Variants in EIF4EBP1 observed in about 807,000 individuals in gnomAD.
EIF4EBP1 encodes the protein eukaryotic translation initiation factor 4E binding protein 1.
A neutral mutation model predicts 9.2 loss-of-function variants in EIF4EBP1; 5 were observed. The observed-to-expected ratio is 0.54, with a 90% confidence interval of 0.28 to 1.14. The LOEUF (loss-of-function observed/expected upper bound fraction) is 1.14. EIF4EBP1 is among the 50% of genes most tolerant of loss of function. The probability of loss-of-function intolerance (pLI) is 0.09; values close to 1 mark genes in which losing one functional copy is unlikely to be tolerated. For missense variants in EIF4EBP1, 139 were observed against 169.6 expected (o/e 0.82, Z 1.00); for synonymous variants, 62 against 67.0 (o/e 0.93, Z 0.36).
chr8:38,046,207 C>A (rs574385199), intron 1 of EIF4EBP1, among the ~76,000 whole-genome samples: 4 of 152,154 alleles, frequency 2.6e-5, no homozygotes, highest in Admixed American at 2.6e-4. Context: ...CCGGCCTACA[C>A]CTGGCTAATT....
At position 38,060,132 on chromosome 8, in the gene EIF4EBP1, T is replaced by A. The variant is rs570138233; in HGVS notation, c.*197T>A. The A allele has an allele frequency of 4.9e-5, 31 of 634,958 alleles. No homozygotes were observed. The East Asian group carries it at 8.0e-4, about 16-fold the overall frequency. 39.3% of individuals were successfully genotyped at this position (634,958 alleles called of 1,614,324 possible). The stretch of plus-strand genomic sequence containing the variant: ...ACACCAGCAGATACCTCCTTGTGCC[T>A]CCACTGATGCAGGAGCTGCCACCCC... On this transcript the variant is annotated 3_prime_UTR_variant, in exon 3 of 3. Transcript: ENST00000338825.
intron 1 of EIF4EBP1, among the ~76,000 whole-genome samples, chr8:38,043,088 T>G (rs923214016): frequency 6.6e-6 from 1 of 152,074 alleles, no homozygotes; most frequent in African/African-American, 2.4e-5. Flanking sequence ...AAAAAGTTTT[T>G]GGGAGAGATG....
At chr8:38,043,074 C>T (rs1809404435) in intron 1 of EIF4EBP1, among the ~76,000 whole-genome samples, 2 of 151,988 alleles carry the variant, frequency 1.3e-5, no homozygotes, top group Non-Finnish European at 2.9e-5. Context: ...CTCACACACA[C>T]GAAAAAAAGT....
In EIF4EBP1 at chr8:38,060,086, C is replaced by A. The variant is rs1809653569; in HGVS notation, c.*151C>A. ...AGCCCTTTCTCCCTCACTCAGGGCA[C>A]CTGCCCCCTCCTCTTCGTGAACACC... On this transcript the variant is annotated 3_prime_UTR_variant, in exon 3 of 3. Transcript: ENST00000338825. 1 of 728,570 alleles carries A rather than the reference C, an allele frequency of 1.4e-6. No homozygotes were observed. 45.1% of individuals were successfully genotyped at this position (728,570 alleles called of 1,614,324 possible). A position where few individuals can be genotyped will look rare whatever the true frequency, so the allele number is the denominator to read the frequency against.
At chr8:38,054,656 C>T (rs1386244765) in intron 1 of EIF4EBP1, among the ~76,000 whole-genome samples, 1 of 152,160 alleles carries the variant, frequency 6.6e-6, no homozygotes, top group Non-Finnish European at 1.5e-5. Flanking sequence ...GATTGTACAA[C>T]CCCAAGCCTT....
chr8:38,057,407 G>A (rs1809613706), intron 2 of EIF4EBP1, 147 bp downstream of exon 2: 2 of 997,242 alleles, frequency 2.0e-6, no homozygotes, highest in East Asian at 2.8e-5. Context: ...CCCAGAGGGT[G>A]AGAGTAGGGG....
rs1809652175 is a variant in EIF4EBP1, at chr8:38,060,014, T to C, written c.*79T>C. 2.7e-5 allele frequency: 39 copies of C among 1,436,910 alleles called. No individual in the cohort carries two copies. The South Asian group carries it at 4.2e-4, about 16-fold the overall frequency. 89.0% of individuals were successfully genotyped at this position (1,436,910 alleles called of 1,614,324 possible). A position where few individuals can be genotyped will look rare whatever the true frequency, so the allele number is the denominator to read the frequency against. ...GAGGAGTCCCACCAGCCAGGCCTTA[T>C]GAAAGTGATCATACTGGGCAGGCGT... On this transcript the variant is annotated 3_prime_UTR_variant, in exon 3 of 3. Transcript: ENST00000338825.
At chr8:38,049,553 C>G (rs1192806459) in intron 1 of EIF4EBP1, among the ~76,000 whole-genome samples, 1 of 150,608 alleles carries the variant, frequency 6.6e-6, no homozygotes, top group African/African-American at 2.4e-5. Context: ...GTGATCTCAA[C>G]TCACTGCAAC....
intron 2 of EIF4EBP1, among the ~76,000 whole-genome samples, chr8:38,059,051 G>A (rs531351207): frequency 1.1e-4 from 17 of 152,226 alleles, no homozygotes; most frequent in Middle Eastern, 3.4e-3. Flanking sequence ...GTAACTGCAC[G>A]CCAGCCTGGC....
intron 1 of EIF4EBP1, among the ~76,000 whole-genome samples, chr8:38,031,492 C>T (rs1306658330): frequency 1.3e-5 from 2 of 152,214 alleles, no homozygotes; most frequent in African/African-American, 4.8e-5. Flanking sequence ...CGCACAGACG[C>T]TGATGAAACC....
At chr8:38,057,353 G>A (rs987394539) in intron 2 of EIF4EBP1, 93 bp downstream of exon 2, 32 of 1,410,256 alleles carry the variant, frequency 2.3e-5, no homozygotes, top group Non-Finnish European at 3.0e-5. Context: ...CAGGGAGGAG[G>A]AACAACAGGG....
intron 1 of EIF4EBP1, among the ~76,000 whole-genome samples, chr8:38,031,487 A>G (rs1293197164): frequency 6.6e-6 from 1 of 152,216 alleles, no homozygotes; most frequent in African/African-American, 2.4e-5. Context: ...CCCAGCGCAC[A>G]GACGCTGATG....
chr8:38,033,062 C>CTT (rs765781155), intron 1 of EIF4EBP1, among the ~76,000 whole-genome samples: 43 of 125,452 alleles, frequency 3.4e-4, no homozygotes, highest in East Asian at 4.4e-4. Context: ...TTCTTTCTTT[C>CTT]TTTTTTTTTT....
At chr8:38,038,617 C>G (rs1809335034) in intron 1 of EIF4EBP1, among the ~76,000 whole-genome samples, 1 of 151,944 alleles carries the variant, frequency 6.6e-6, no homozygotes, top group East Asian at 1.9e-4. Flanking sequence ...ATCCTCCCAC[C>G]TCAGTCTCTC....
intron 1 of EIF4EBP1, among the ~76,000 whole-genome samples, chr8:38,033,586 T>C (rs1809256201): frequency 6.6e-6 from 1 of 151,772 alleles, no homozygotes; most frequent in South Asian, 2.1e-4. Context: ...CTGCACCTGC[T>C]TACTTATAGG....
At chr8:38,054,367 C>G (rs1251330380) in intron 1 of EIF4EBP1, among the ~76,000 whole-genome samples, 1 of 152,138 alleles carries the variant, frequency 6.6e-6, no homozygotes, top group Non-Finnish European at 1.5e-5. Context: ...GGGAGGATTG[C>G]TAGAACCCAG....
chr8:38,032,227 T>TCTGGCCCGGGTACCAAGGTTCACAC (rs367773863), intron 1 of EIF4EBP1, among the ~76,000 whole-genome samples: 5,811 of 151,384 alleles, frequency 0.038, 332 homozygotes, highest in African/African-American at 0.12. Flanking sequence ...TATAGGCACT[T>TCTGGCCCGGGTACCAAGGTTCACAC]CTGGCCCGGG....
intron 1 of EIF4EBP1, among the ~76,000 whole-genome samples, chr8:38,044,885 C>T (rs1331363742): frequency 1.3e-5 from 2 of 152,130 alleles, no homozygotes; most frequent in African/African-American, 4.8e-5. Flanking sequence ...GGGAATAAGA[C>T]CTAGCACGTC....
chr8:38,041,816 C>A lies in EIF4EBP1; in HGVS notation c.145+11098C>A, dbSNP rs1377969298. Among the ~76,000 whole-genome samples, 3 of 152,114 alleles carry A rather than the reference C, an allele frequency of 2.0e-5. No homozygotes were observed. The East Asian group carries it at 5.8e-4, about 29-fold the overall frequency. ...GACCAGCTTGGGCAACATAGTGAGA[C>A]CCTGTCTTTACAAAAAAATTTTAAA... is the stretch of plus-strand genomic sequence containing the variant. On this transcript the variant is annotated intron_variant, in intron 1 of 2. Coordinates refer to ENST00000338825, the MANE Select transcript of EIF4EBP1 (RefSeq NM_004095.4).
Sources: allele counts gnomAD v4.1 joint callset (sites outside exome capture counted in the v4.1 genomes callset), GRCh38; gene constraint gnomAD v4.1.1; transcripts MANE v1.5; gene names NCBI Gene and HGNC (gene_info 2026-07-23, HGNC 2026-07-21).